Variants in PEA15 observed in about 807,000 individuals in gnomAD.
PEA15 encodes proliferation and apoptosis adaptor protein 15.
For synonymous variants in PEA15, 60 were observed against 61.8 expected, an observed-to-expected ratio of 0.97 and a Z score of 0.13; for missense variants, 77 against 161.3, an observed-to-expected ratio of 0.48 and a Z score of 2.83.
In PEA15 at chr1:160,213,037, T is replaced by A; in HGVS notation, c.173-73T>A. ...TCAGCAACTCAGCTTTGGTTCCAGG[T>A]CACTAGTCTGGTGGAGTAGGGGAAG... is the stretch of plus-strand genomic sequence containing the variant. On this transcript the variant is annotated intron_variant, in intron 2 of 3. Transcript: ENST00000360472. The surrounding 1 kb of genome is among the most constrained non-coding windows in gnomAD (Gnocchi z 5.3). The A allele has an allele frequency of 6.6e-7, 1 of 1,518,902 alleles. No individual in the cohort carries two copies. Among genetic ancestry groups the A allele is most frequent in the East Asian group, 2.3e-5 (1 of 44,182 alleles). The allele number at this position is 1,518,902 out of a possible 1,614,324, so 94.1% of individuals were successfully genotyped here.
At chr1:160,207,480 T>C (rs1010674212) in intron 1 of PEA15, among the ~76,000 whole-genome samples, 1 of 152,118 alleles carries the variant, frequency 6.6e-6, no homozygotes, top group Non-Finnish European at 1.5e-5. Context: ...GTGCCAGCTA[T>C]CTCCTGATGC....
intron 2 of PEA15, 115 bp from the exon 3 acceptor site, chr1:160,212,995 C>A: frequency 1.0e-6 from 1 of 1,001,562 alleles, no homozygotes; most frequent in Non-Finnish European, 1.6e-6. Flanking sequence ...CAGTGTTGTA[C>A]CCTCCCATAA....
intron 1 of PEA15, 31 bp from the exon 2 acceptor site, chr1:160,211,512 C>T (rs186554215): frequency 1.3e-5 from 20 of 1,587,306 alleles, no homozygotes; most frequent in Middle Eastern, 3.4e-4. Flanking sequence ...TTAAGCTCAA[C>T]TCCTATCCCT....
chr1:160,209,648 G>A (rs1437104377), intron 1 of PEA15, among the ~76,000 whole-genome samples: 1 of 152,070 alleles, frequency 6.6e-6, no homozygotes, highest in Admixed American at 6.5e-5. Context: ...TTTTCCAGCT[G>A]AGGGCTTGGC....
rs1654984351 is a variant in PEA15, at chr1:160,213,879, A to G, written c.*393A>G. ...TACATTGAGGAGCTGACATAGGGGT[A>G]AGGTATGGGAGAGGTAGGTGGATCC... On this transcript the variant is annotated 3_prime_UTR_variant, in exon 4 of 4. Transcript: ENST00000360472. The surrounding 1 kb of genome is among the most constrained non-coding windows in gnomAD (Gnocchi z 5.3). The G allele has an allele frequency of 8.4e-6, 2 of 237,658 alleles. No individual in the cohort carries two copies. Among genetic ancestry groups the G allele is most frequent in the Non-Finnish European group, 1.7e-5 (2 of 119,720 alleles). The allele number at this position is 237,658 out of a possible 1,614,324, so 14.7% of individuals were successfully genotyped here.
rs377602806 is a variant in PEA15 at position 160,213,206 on chromosome 1, C to G, written c.269C>G (p.Ser90Cys). 7 of 1,614,234 alleles carry G rather than the reference C, an allele frequency of 4.3e-6. No homozygotes were observed. The highest frequency in any genetic ancestry group is 5.9e-6 in the Non-Finnish European group (7 of 1,180,044). Residue 90 changes from serine (S) to cysteine (C), a missense_variant, in exon 3 of 4, where the codon TCT becomes TGT. By Grantham distance (112) the Ser-to-Cys change is moderately radical. Transcript: ENST00000360472. The surrounding 1 kb of genome is among the most constrained non-coding windows in gnomAD (Gnocchi z 5.3). ...VDYRTRVLKI[S>C]EEDELDTKLT... ...TACAGAACCCGTGTGCTGAAGATCT[C>G]TGAGGAGGATGAGCTGGACACCAAG...
In PEA15 at chr1:160,208,487, G is replaced by T; in HGVS notation, c.-3+2965G>T. The T allele has an allele frequency of 1.1e-6, 1 of 915,130 alleles. No homozygotes were observed. The highest frequency in any genetic ancestry group is 1.7e-6 in the Non-Finnish European group (1 of 584,556). The allele number at this position is 915,130 out of a possible 1,614,324, so 56.7% of individuals were successfully genotyped here. A position where few individuals can be genotyped will look rare whatever the true frequency, so the allele number is the denominator to read the frequency against. On this transcript the variant is annotated intron_variant, in intron 1 of 3. Transcript: ENST00000360472. The surrounding 1 kb of genome is among the most constrained non-coding windows in gnomAD (Gnocchi z 4.1). ...AGAATGGCCTCCGCCCAGACTGCCTGGTGATCCCTGAGCAGCTCTCTGCAC... is the reference window on the plus strand; with the variant it reads ...AGAATGGCCTCCGCCCAGACTGCCTTGTGATCCCTGAGCAGCTCTCTGCAC...
chr1:160,212,425 T>C (rs902755890), intron 2 of PEA15, among the ~76,000 whole-genome samples: 1 of 152,026 alleles, frequency 6.6e-6, no homozygotes, highest in African/African-American at 2.4e-5. Flanking sequence ...GCCTGGGTAT[T>C]GGATAGGTGA....
chr1:160,208,972 T>C lies in PEA15; in HGVS notation c.-2-2571T>C. 3.2e-6 allele frequency: 1 copy of C among 317,332 alleles called. No individual in the cohort carries two copies. The highest frequency in any genetic ancestry group is 5.9e-6 in the Non-Finnish European group (1 of 170,784). 19.7% of individuals were successfully genotyped at this position (317,332 alleles called of 1,614,324 possible). A position where few individuals can be genotyped will look rare whatever the true frequency, so the allele number is the denominator to read the frequency against. On this transcript the variant is annotated intron_variant, in intron 1 of 3. Coordinates refer to ENST00000360472, the MANE Select transcript of PEA15 (RefSeq NM_003768.5). The surrounding 1 kb of genome is among the most constrained non-coding windows in gnomAD (Gnocchi z 4.1). ...CCTTCTATAGTTGTGGACTGTATGCTCTCCTCCCCCTCGCCCCCCATGCCT... is the reference window on the plus strand; with the variant it reads ...CCTTCTATAGTTGTGGACTGTATGCCCTCCTCCCCCTCGCCCCCCATGCCT...
chr1:160,213,775 A>T lies in PEA15; in HGVS notation c.*289A>T. 2.5e-6 allele frequency: 1 copy of T among 401,842 alleles called. No individual in the cohort carries two copies. Among genetic ancestry groups the T allele is most frequent in the Non-Finnish European group, 4.6e-6 (1 of 216,078 alleles). The allele number at this position is 401,842 out of a possible 1,614,324, so 24.9% of individuals were successfully genotyped here. ...GGCTATTTCTATGCAAATAGAAATC[A>T]GCACATTCCTCCTACTTCCCTTTCC... On this transcript the variant is annotated 3_prime_UTR_variant, in exon 4 of 4. Transcript: ENST00000360472. The surrounding 1 kb of genome is among the most constrained non-coding windows in gnomAD (Gnocchi z 5.3).
rs199946492 is a variant in PEA15, at chr1:160,211,619, G to A, written c.75G>A (p.Ser25=). 1.5e-5 allele frequency: 25 copies of A among 1,614,002 alleles called. No homozygotes were observed. The highest frequency in any genetic ancestry group is 1.3e-5 in the African/African-American group (1 of 74,916). The change falls in exon 2 of 4, where the codon TCG becomes TCA. Residue 25 remains serine, a synonymous_variant. Coordinates refer to ENST00000360472, the MANE Select transcript of PEA15 (RefSeq NM_003768.5). ...TTGAAGATCTAGAACAGCTCAAGTC[G>A]GCCTGCAAGGAAGACATCCCCAGCG... ...ITLEDLEQLK[S]ACKEDIPSEK...
At position 160,213,309 on chromosome 1, in the gene PEA15, C is replaced by T. The variant is rs370472503; in HGVS notation, c.328+44C>T. On this transcript the variant is annotated intron_variant, in intron 3 of 3. Coordinates refer to ENST00000360472, the MANE Select transcript of PEA15 (RefSeq NM_003768.5). This position sits in a 1 kb window ranked among gnomAD's most constrained non-coding sequence, Gnocchi z 5.3. ...AACTAGCTGCACCTCTGCCTCGTCC[C>T]GTTGACTATCCTTGGAGTACTTGAG... is the stretch of plus-strand genomic sequence containing the variant. 54 of 1,613,498 alleles carry T rather than the reference C, an allele frequency of 3.3e-5. No homozygotes were observed. The African/African-American group carries it at 4.4e-4, about 13-fold the overall frequency.
Position 160,213,600 on chromosome 1 carries a change from C to G in PEA15, c.*114C>G. On this transcript the variant is annotated 3_prime_UTR_variant, in exon 4 of 4. Transcript: ENST00000360472. This position sits in a 1 kb window ranked among gnomAD's most constrained non-coding sequence, Gnocchi z 5.3. Reference sequence around the variant, plus strand: ...CATCTACCCACTTACTAACCTGGTCCTAACCCCCTTACTGTGCGCGTGTGT... The same window carrying G: ...CATCTACCCACTTACTAACCTGGTCGTAACCCCCTTACTGTGCGCGTGTGT... 1.2e-6 allele frequency: 1 copy of G among 824,834 alleles called. No homozygotes were observed. The highest frequency in any genetic ancestry group is 1.4e-5 in the South Asian group (1 of 69,884). The allele number at this position is 824,834 out of a possible 1,614,324, so 51.1% of individuals were successfully genotyped here.
intron 1 of PEA15, among the ~76,000 whole-genome samples, chr1:160,206,545 G>C (rs150937614): frequency 6.6e-6 from 1 of 152,238 alleles, no homozygotes; most frequent in Non-Finnish European, 1.5e-5. Flanking sequence ...CCAAGGGATG[G>C]AGGAGGAGGG....
At chr1:160,212,088 G>A (rs1654896129) in intron 2 of PEA15, among the ~76,000 whole-genome samples, 1 of 152,168 alleles carries the variant, frequency 6.6e-6, no homozygotes, top group African/African-American at 2.4e-5. Context: ...TCTTTGTTAA[G>A]CATTTTTTAA....
chr1:160,208,507 C>A lies in PEA15; in HGVS notation c.-3+2985C>A. The A allele has an allele frequency of 9.0e-7, 1 of 1,106,570 alleles. No individual in the cohort carries two copies. Among genetic ancestry groups the A allele is most frequent in the Non-Finnish European group, 1.3e-6 (1 of 747,206 alleles). 68.5% of individuals were successfully genotyped at this position (1,106,570 alleles called of 1,614,324 possible). A position where few individuals can be genotyped will look rare whatever the true frequency, so the allele number is the denominator to read the frequency against. ...TGCCTGGTGATCCCTGAGCAGCTCT[C>A]TGCACTGCTCCAGAAATCAGGAGGA... is the stretch of plus-strand genomic sequence containing the variant. On this transcript the variant is annotated intron_variant, in intron 1 of 3. Transcript: ENST00000360472. The surrounding 1 kb of genome is among the most constrained non-coding windows in gnomAD (Gnocchi z 4.1).
At chr1:160,209,660 CCA>C (rs972379374) in intron 1 of PEA15, among the ~76,000 whole-genome samples, 1 of 152,144 alleles carries the variant, frequency 6.6e-6, no homozygotes, top group Admixed American at 6.5e-5. Flanking sequence ...GGGCTTGGCC[CCA>C]GAGTTTCCTC....
At position 160,211,461 on chromosome 1, in the gene PEA15, A is replaced by T. The variant is rs993340744; in HGVS notation, c.-2-82A>T. 2.1e-6 allele frequency: 3 copies of T among 1,447,444 alleles called. No individual in the cohort carries two copies. In the African/African-American group the frequency reaches 4.2e-5, roughly 20 times the overall value. The allele number at this position is 1,447,444 out of a possible 1,614,324, so 89.7% of individuals were successfully genotyped here. A position where few individuals can be genotyped will look rare whatever the true frequency, so the allele number is the denominator to read the frequency against. ...ACATGCCTGGTAGGGCAGAGTGGGG[A>T]GTAGGAGGGTAGTGCCAGTGAGTAA... On this transcript the variant is annotated intron_variant, in intron 1 of 3. Coordinates refer to ENST00000360472, the MANE Select transcript of PEA15 (RefSeq NM_003768.5).
intron 1 of PEA15, among the ~76,000 whole-genome samples, chr1:160,210,895 A>T (rs538101184): frequency 1.3e-5 from 2 of 152,284 alleles, no homozygotes; most frequent in South Asian, 4.1e-4. Flanking sequence ...CCCCACCTCG[A>T]ACCCTAATGA....
Sources: allele counts gnomAD v4.1 joint callset (sites outside exome capture counted in the v4.1 genomes callset), GRCh38; gene constraint gnomAD v4.1.1; non-coding constraint Gnocchi (gnomAD v3.1); transcripts MANE v1.5; gene names NCBI Gene and HGNC (gene_info 2026-07-23, HGNC 2026-07-21).